Variants in RHBDD3 observed in about 807,000 individuals in gnomAD.
RHBDD3 encodes the protein rhomboid domain-containing protein 3.
In RHBDD3, 34 loss-of-function variants were observed where a neutral mutation model predicts 32.3. The observed-to-expected ratio is 1.05, with a 90% CI of 0.80 to 1.40. The LOEUF is 1.40. RHBDD3 is among the 40% of genes most tolerant of loss of function. The pLI is 0.00. For synonymous variants in RHBDD3, 249 were observed against 239.1 expected (o/e 1.04, Z -0.38); for missense variants, 482 against 492.6 (o/e 0.98, Z 0.20).
chr22:29,263,486 A>C (rs2058143042), intron 4 of RHBDD3, among the ~76,000 whole-genome samples: 1 of 152,130 alleles, frequency 6.6e-6, no homozygotes, highest in African/African-American at 2.4e-5. Context: ...TCAGGCTTTT[A>C]ATTTTTTTAA....
chr22:29,266,112 C>T (rs541402315), intron 2 of RHBDD3, among the ~76,000 whole-genome samples: 232 of 152,266 alleles, frequency 1.5e-3, no homozygotes, highest in African/African-American at 5.2e-3. Context: ...ATGGGCAAGC[C>T]GACAGGGTAA....
rs2231399 is a variant in RHBDD3 at position 29,260,156 on chromosome 22, G to A, written c.1065C>T (p.Ala355=). The A allele has an allele frequency of 3.1e-4, 499 of 1,589,262 alleles. 3 individuals are homozygous for A. In the East Asian group the frequency reaches 9.1e-3, roughly 29 times the overall value. ...ALAATGRVEG[A]VSLLVGGQVG... The stretch of plus-strand genomic sequence containing the variant: ...CTTGTCCTCCAACCAACAGTGACAC[G>A]GCACCCTCCACACGGCCTGTGGCTG... Residue 355 remains alanine, a synonymous_variant, in exon 7 of 7, where the codon GCC becomes GCT. Coordinates refer to ENST00000216085, the MANE Select transcript of RHBDD3 (RefSeq NM_012265.3).
rs144254533 is a variant in RHBDD3 at position 29,260,229 on chromosome 22, T to G, written c.992A>C (p.Gln331Pro). The part of the protein sequence containing the change: ...KSSVSSLRLQ[Q>P]LERMGFPTEQ... ...CGTAGGGAAGCCCATGCGCTCCAGC[T>G]GCTGCAGCCTGTTGGGGGTGGGGGG... Residue 331 changes from glutamine to proline, a missense_variant, in exon 7 of 7, where the codon CAG becomes CCG. Physicochemically the swap from Gln to Pro is moderately conservative, Grantham distance 76. Coordinates refer to ENST00000216085, the MANE Select transcript of RHBDD3 (RefSeq NM_012265.3). 1.3e-5 allele frequency: 21 copies of G among 1,600,684 alleles called. No individual in the cohort carries two copies. The African/African-American group carries it at 2.5e-4, about 19-fold the overall frequency.
chr22:29,261,069 A>C (rs770873066), intron 4 of RHBDD3: 53 of 631,096 alleles, frequency 8.4e-5, no homozygotes, highest in Non-Finnish European at 1.3e-4. Flanking sequence ...TACTCAGCCA[A>C]ACAGAGCCAG....
In RHBDD3 at chr22:29,260,166, A is replaced by C; in HGVS notation, c.1055T>G (p.Val352Gly). The C allele has an allele frequency of 6.3e-7, 1 of 1,589,812 alleles. No individual in the cohort carries two copies. Among genetic ancestry groups the C allele is most frequent in the African/African-American group, 1.3e-5 (1 of 74,686 alleles). The change falls in exon 7 of 7, where the codon GTG becomes GGG. Residue 352 changes from valine (V) to glycine (G), a missense_variant. Physicochemically the swap from Val to Gly is moderately radical, Grantham distance 109 (BLOSUM62 -3). Coordinates refer to ENST00000216085, the MANE Select transcript of RHBDD3 (RefSeq NM_012265.3). ...AVVALAATGR[V>G]EGAVSLLVGG... ...AACCAACAGTGACACGGCACCCTCC[A>C]CACGGCCTGTGGCTGCCAGTGCCAC... is the stretch of plus-strand genomic sequence containing the variant.
intron 6 of RHBDD3, 21 bp from the exon 7 acceptor site, chr22:29,260,258 AGTG>A: frequency 6.2e-7 from 1 of 1,603,264 alleles, no homozygotes; most frequent in South Asian, 1.1e-5. Context: ...TGGGGGGAGA[AGTG>A]GGGAGTGTCA....
Position 29,259,955 on chromosome 22 carries a change from C to G in RHBDD3, c.*105G>C. 2 of 1,192,542 alleles carry G rather than the reference C, an allele frequency of 1.7e-6. No individual in the cohort carries two copies. Among genetic ancestry groups the G allele is most frequent in the South Asian group, 3.0e-5 (2 of 66,428 alleles). 73.9% of individuals were successfully genotyped at this position (1,192,542 alleles called of 1,614,324 possible). A position where few individuals can be genotyped will look rare whatever the true frequency, so the allele number is the denominator to read the frequency against. ...TCTCCTGCCTCCAGAGGTGCCCCTG[C>G]TCCCCACTGTGGCCCTCTTTAGACA... On this transcript the variant is annotated 3_prime_UTR_variant, in exon 7 of 7. Transcript: ENST00000216085.
At chr22:29,261,133 C>A (rs2058112881) in intron 4 of RHBDD3, 2 of 594,810 alleles carry the variant, frequency 3.4e-6, no homozygotes, top group African/African-American at 1.8e-5. Flanking sequence ...GTTCCCAGAA[C>A]CCTATGCACC....
chr22:29,263,627 A>G (rs769965817), intron 4 of RHBDD3, among the ~76,000 whole-genome samples: 2 of 152,166 alleles, frequency 1.3e-5, no homozygotes, highest in Non-Finnish European at 2.9e-5. Flanking sequence ...AGCCCTTTAC[A>G]TTGTAATTGG....
chr22:29,266,274 C>T (rs1434720655), intron 2 of RHBDD3, among the ~76,000 whole-genome samples: 2 of 152,214 alleles, frequency 1.3e-5, no homozygotes, highest in African/African-American at 4.8e-5. Context: ...CCCCTTTCCA[C>T]AGGAAGGGTA....
intron 6 of RHBDD3, 43 bp downstream of exon 6, chr22:29,260,283 G>A (rs13058014): frequency 1.2e-6 from 2 of 1,606,822 alleles, no homozygotes; most frequent in East Asian, 2.2e-5. Context: ...GGCCACCCCG[G>A]CCCCTATACC....
At chr22:29,266,076 C>T (rs559588846) in intron 2 of RHBDD3, among the ~76,000 whole-genome samples, 2 of 152,298 alleles carry the variant, frequency 1.3e-5, no homozygotes, top group African/African-American at 2.4e-5. Context: ...TTTCAGTTGC[C>T]CTTGACCCTG....
At position 29,260,511 on chromosome 22, in the gene RHBDD3, G is replaced by A. The variant is rs367651001; in HGVS notation, c.798C>T (p.Thr266=). The part of the protein sequence containing the change: ...PPPSLRPVQP[T]WEGSSEAGLD... ...GGCCTGCCTCTGAGGAGCCCTCCCAGGTGGGCTGCACAGGCCTCAGGCTTG... is the reference window on the plus strand; with the variant it reads ...GGCCTGCCTCTGAGGAGCCCTCCCAAGTGGGCTGCACAGGCCTCAGGCTTG... The change falls in exon 6 of 7, where the codon ACC becomes ACT. Residue 266 remains threonine (T), a synonymous_variant. Coordinates refer to ENST00000216085, the MANE Select transcript of RHBDD3 (RefSeq NM_012265.3). 6.8e-5 allele frequency: 109 copies of A among 1,599,090 alleles called. No homozygotes were observed. Among genetic ancestry groups the A allele is most frequent in the Admixed American group, 1.4e-4 (8 of 57,776 alleles).
downstream of RHBDD3, chr22:29,259,861 G>A: frequency 1.7e-6 from 1 of 591,322 alleles, no homozygotes; most frequent in Non-Finnish European, 3.0e-6. Context: ...CTGCCTCCAA[G>A]GAGGTCCAGG....
At chr22:29,260,993 A>C in intron 4 of RHBDD3, 129 bp from the exon 5 acceptor site, 1 of 901,210 alleles carries the variant, frequency 1.1e-6, no homozygotes, top group Middle Eastern at 3.5e-4. Flanking sequence ...ACTGTGGACC[A>C]GCATGGAATA....
rs768765594 is a variant in RHBDD3, at chr22:29,264,076, G to T, written c.291C>A (p.Ala97=). Residue 97 remains alanine (A), a synonymous_variant, in exon 4 of 7, where the codon GCC becomes GCA. Transcript: ENST00000216085. Reference sequence around the variant, plus strand: ...GCACTGCCAGCAGCCCAGAAGCCAGGGCGAGCAGGGCTGAGGCATGCAGGA... The same window carrying T: ...GCACTGCCAGCAGCCCAGAAGCCAGTGCGAGCAGGGCTGAGGCATGCAGGA... ...LRFLHASALL[A]LASGLLAVLL... 1.2e-5 allele frequency: 19 copies of T among 1,582,228 alleles called. No individual in the cohort carries two copies. The highest frequency in any genetic ancestry group is 3.7e-5 in the Admixed American group (2 of 54,658).
chr22:29,260,341 G>T lies in RHBDD3; in HGVS notation c.968C>A (p.Ser323Tyr), dbSNP rs540862434. Residue 323 changes from serine to tyrosine, a missense_variant, in exon 6 of 7, where the codon TCT becomes TAT. Physicochemically the swap from Ser to Tyr is moderately radical, Grantham distance 144 (BLOSUM62 -2). Coordinates refer to ENST00000216085, the MANE Select transcript of RHBDD3 (RefSeq NM_012265.3). Reference sequence around the variant, plus strand: ...CCCACCTTACCGCAGAGAGGAGACAGAGGACTTGGACAGCCATGGTGCGCT... The same window carrying T: ...CCCACCTTACCGCAGAGAGGAGACATAGGACTTGGACAGCCATGGTGCGCT... ...PQSAPWLSKS[S>Y]VSSLRLQQLE... 1 of 1,609,556 alleles carries T rather than the reference G, an allele frequency of 6.2e-7. No individual in the cohort carries two copies.
Position 29,259,882 on chromosome 22 carries a change from A to G in RHBDD3, c.*178T>C. 1.6e-6 allele frequency: 1 copy of G among 629,470 alleles called. No individual in the cohort carries two copies. Among genetic ancestry groups the G allele is most frequent in the South Asian group, 2.2e-5 (1 of 46,352 alleles). The allele number at this position is 629,470 out of a possible 1,614,324, so 39.0% of individuals were successfully genotyped here. A position where few individuals can be genotyped will look rare whatever the true frequency, so the allele number is the denominator to read the frequency against. ...CCAAGGAGGTCCAGGTTGAAAAACA[A>G]ACTGGTTTTTATTCTAAACACGTAC... On this transcript the variant is annotated 3_prime_UTR_variant, in exon 7 of 7. Transcript: ENST00000216085.
intron 3 of RHBDD3, 128 bp from the exon 4 acceptor site, chr22:29,264,346 C>T: frequency 7.0e-7 from 1 of 1,432,770 alleles, no homozygotes; most frequent in Non-Finnish European, 9.2e-7. Context: ...TCCCCAGGAG[C>T]CAGTCTTCCC....
Sources: allele counts gnomAD v4.1 joint callset (sites outside exome capture counted in the v4.1 genomes callset), GRCh38; gene constraint gnomAD v4.1.1; transcripts MANE v1.5; gene names NCBI Gene and HGNC (gene_info 2026-07-23, HGNC 2026-07-21).